CNTN5: variants seen among roughly 807,000 people sequenced by gnomAD.
CNTN5 encodes the protein contactin 5, also known as contactin-5.
A neutral mutation model predicts 129.1 loss-of-function variants in CNTN5; 77 were observed. The observed-to-expected ratio is 0.60, with a 90% CI of 0.50 to 0.72. The LOEUF is 0.72. Among genes scored for constraint, CNTN5 ranks in the 30% least tolerant of loss-of-function variants. The pLI, the probability that CNTN5 is intolerant of heterozygous loss-of-function variation, is 0.00. For missense variants in CNTN5, 1,478 were observed against 1,328.8 expected (o/e 1.11, Z -1.75); for synonymous variants, 509 against 465.6 (o/e 1.09, Z -1.20).
chr11:99,628,611 GAC>G (rs10607009), intron 3 of CNTN5, among the ~76,000 whole-genome samples: 66,142 of 147,116 alleles, frequency 0.45, 15,000 homozygotes, highest in Admixed American at 0.55. Context: ...GCTAAATAAT[GAC>G]ACACACACAC....
chr11:99,327,830 G>A (rs999601679), intron 2 of CNTN5, among the ~76,000 whole-genome samples: 2 of 152,240 alleles, frequency 1.3e-5, no homozygotes, highest in South Asian at 2.1e-4. Flanking sequence ...TATTAAAAGC[G>A]GTCCTGAGTT....
rs1032102482 is a variant in CNTN5 at position 99,064,908 on chromosome 11, A to G, written c.-210+43638A>G. Among the ~76,000 whole-genome samples the G allele has an allele frequency of 3.3e-5, 5 of 152,080 alleles. No individual in the cohort carries two copies. In the South Asian group the frequency reaches 6.2e-4, roughly 19 times the overall value. On this transcript the variant is annotated intron_variant, in intron 1 of 24. Transcript: ENST00000524871. ...TATTTCTAAAGTTTTATTCAAATTA[A>G]ATCATGTATAAATGTTAATTTAGTA...
At chr11:99,190,010 A>G (rs892522236) in intron 1 of CNTN5, among the ~76,000 whole-genome samples, 1 of 151,288 alleles carries the variant, frequency 6.6e-6, no homozygotes, top group Non-Finnish European at 1.5e-5. Context: ...TTTTCCCTGT[A>G]TTTTTCTAGT....
At chr11:99,467,789 A>G (rs1025824312) in intron 2 of CNTN5, among the ~76,000 whole-genome samples, 2 of 152,026 alleles carry the variant, frequency 1.3e-5, no homozygotes, top group African/African-American at 4.8e-5. Context: ...TTCTTGCTCA[A>G]ATTATCTGAT....
intron 1 of CNTN5, among the ~76,000 whole-genome samples, chr11:99,190,624 T>G (rs1858590684): frequency 6.6e-6 from 1 of 151,744 alleles, no homozygotes; most frequent in South Asian, 2.1e-4. Flanking sequence ...AATTCATGCC[T>G]GAGTATTTGA....
intron 1 of CNTN5, among the ~76,000 whole-genome samples, chr11:99,110,949 G>T (rs1056774613): frequency 6.6e-6 from 1 of 152,000 alleles, no homozygotes; most frequent in East Asian, 1.9e-4. Flanking sequence ...ATTATAGTTT[G>T]TCATTGCAAC....
chr11:99,057,316 T>C (rs540570532), intron 1 of CNTN5, among the ~76,000 whole-genome samples: 24 of 152,192 alleles, frequency 1.6e-4, no homozygotes, highest in Non-Finnish European at 2.9e-4. Context: ...ATCTAACCAG[T>C]ACAAAGCAGG....
chr11:99,164,322 C>CAAAAAAAAAAAAAAAAAAAAAAA (rs35669418), intron 1 of CNTN5, among the ~76,000 whole-genome samples: 1 of 49,072 alleles, frequency 2.0e-5, no homozygotes, highest in Non-Finnish European at 4.1e-5. Context: ...CACTCCATCT[C>CAAAAAAAAAAAAAAAAAAAAAAA]AAAAAAAAAA....
intron 3 of CNTN5, among the ~76,000 whole-genome samples, chr11:99,560,893 C>A (rs1468260086): frequency 6.6e-6 from 1 of 152,052 alleles, no homozygotes; most frequent in South Asian, 2.1e-4. Context: ...GAATTTGAGA[C>A]ACACACATGT....
intron 1 of CNTN5, among the ~76,000 whole-genome samples, chr11:99,198,031 G>T (rs1858991766): frequency 6.6e-6 from 1 of 151,990 alleles, no homozygotes; most frequent in African/African-American, 2.4e-5. Context: ...GAATTCGCTG[G>T]TATCTTCTAT....
chr11:99,994,976 A>G (rs1565767666), intron 8 of CNTN5, among the ~76,000 whole-genome samples: 1 of 152,210 alleles, frequency 6.6e-6, no homozygotes, highest in Non-Finnish European at 1.5e-5. Context: ...ATATTTAAGA[A>G]GAAGCAGATG....
chr11:99,631,000 GTAGAGT>G (rs1319117588), intron 3 of CNTN5, among the ~76,000 whole-genome samples: 1 of 152,098 alleles, frequency 6.6e-6, no homozygotes, highest in Admixed American at 6.6e-5. Flanking sequence ...TCATAAAAAG[GTAGAGT>G]TAGGTTATTT....
intron 3 of CNTN5, among the ~76,000 whole-genome samples, chr11:99,658,326 A>C (rs1266897977): frequency 6.6e-6 from 1 of 152,190 alleles, no homozygotes; most frequent in Non-Finnish European, 1.5e-5. Context: ...ATCCCCTCTA[A>C]TTCAGAACAA....
At chr11:99,319,825 T>C (rs955944332) in intron 1 of CNTN5, among the ~76,000 whole-genome samples, 1 of 152,134 alleles carries the variant, frequency 6.6e-6, no homozygotes, top group Non-Finnish European at 1.5e-5. Context: ...ACCAATTCAA[T>C]GGTGAATGCA....
At chr11:99,593,436 C>T (rs553466837) in intron 3 of CNTN5, among the ~76,000 whole-genome samples, 11 of 152,188 alleles carry the variant, frequency 7.2e-5, no homozygotes, top group Admixed American at 2.0e-4. Context: ...CTGGGGACCC[C>T]CGTCAGTGCA....
At chr11:100,294,537 T>C (rs931851236) in intron 18 of CNTN5, among the ~76,000 whole-genome samples, 12 of 151,700 alleles carry the variant, frequency 7.9e-5, no homozygotes, top group African/African-American at 2.9e-4. Flanking sequence ...GCTAACCATA[T>C]GTATAAACTT....
chr11:99,806,226 C>T (rs961865640), intron 3 of CNTN5, among the ~76,000 whole-genome samples: 1 of 152,106 alleles, frequency 6.6e-6, no homozygotes, highest in Non-Finnish European at 1.5e-5. Context: ...AGTATTGTAC[C>T]TGACCTAAGA....
At chr11:99,253,796 C>A (rs1019806521) in intron 1 of CNTN5, among the ~76,000 whole-genome samples, 11 of 150,914 alleles carry the variant, frequency 7.3e-5, no homozygotes, top group Non-Finnish European at 1.6e-4. Flanking sequence ...TATGTGTTTA[C>A]TTTGCACCCA....
intron 9 of CNTN5, among the ~76,000 whole-genome samples, chr11:100,036,635 T>C (rs1431394823): frequency 6.7e-6 from 1 of 150,138 alleles, no homozygotes; most frequent in Non-Finnish European, 1.5e-5. Flanking sequence ...GTATCCTCTT[T>C]TATTTCATTG....
Sources: gnomAD v4.1 joint callset for allele counts (sites outside exome capture counted in the v4.1 genomes callset) on GRCh38, gnomAD v4.1.1 for gene constraint, MANE v1.5 for transcripts, NCBI Gene and HGNC (gene_info 2026-07-23, HGNC 2026-07-21) for gene names.